The following KCNMA1 variants were observed in gnomAD, a reference collection of about 807,000 sequenced individuals.
The protein encoded by KCNMA1 is Calcium-activated potassium channel subunit alpha-1.
KCNMA1 carries 29 observed loss-of-function variants against 140.0 expected under a neutral mutation model. That is an observed-to-expected ratio of 0.21 (90% CI 0.15 to 0.28). The LOEUF (loss-of-function observed/expected upper bound fraction) is 0.28. Ranked by LOEUF, KCNMA1 falls within the 10% of genes least tolerant of loss-of-function variation. The pLI is 1.00. For missense variants in KCNMA1, 880 were observed against 1,602.2 expected (o/e 0.55, Z 7.70); for synonymous variants, 612 against 611.9 (o/e 1.00, Z 0.00).
chr10:77,553,303 T>C (rs146518541), intron 1 of KCNMA1, among the ~76,000 whole-genome samples: 207 of 152,334 alleles, frequency 1.4e-3, no homozygotes, highest in African/African-American at 4.2e-3. Context: ...ATATTTCAAA[T>C]GTTCCTGAAT....
chr10:77,074,280 T>C (rs1277792219), intron 13 of KCNMA1, among the ~76,000 whole-genome samples: 1 of 152,176 alleles, frequency 6.6e-6, no homozygotes. Context: ...AAAGCCAGTG[T>C]TTACTTTTTA....
intron 20 of KCNMA1, among the ~76,000 whole-genome samples, chr10:76,957,370 G>A (rs534652976): frequency 5.3e-5 from 8 of 152,088 alleles, no homozygotes; most frequent in Non-Finnish European, 1.0e-4. Context: ...CTCCAGATGT[G>A]CAATGACAGT....
chr10:77,619,725 G>C (rs529542854), intron 1 of KCNMA1, among the ~76,000 whole-genome samples: 1 of 152,182 alleles, frequency 6.6e-6, no homozygotes, highest in Non-Finnish European at 1.5e-5. Context: ...AGAGGAGACA[G>C]GATGCCTGTA....
intron 2 of KCNMA1, among the ~76,000 whole-genome samples, chr10:77,285,291 CCTCTA>C (rs539313024): frequency 1.3e-5 from 2 of 152,250 alleles, no homozygotes; most frequent in African/African-American, 4.8e-5. Context: ...AAGGATCTCT[CCTCTA>C]AAGTTTTTTT....
At chr10:77,381,559 C>T (rs2095386306) in intron 2 of KCNMA1, among the ~76,000 whole-genome samples, 1 of 152,124 alleles carries the variant, frequency 6.6e-6, no homozygotes, top group Non-Finnish European at 1.5e-5. Flanking sequence ...AATTCTCTTT[C>T]TCTACCCAAT....
Position 77,368,518 on chromosome 10 carries a change from T to C in KCNMA1, c.540+35344A>G, listed in dbSNP as rs370399519. The stretch of plus-strand genomic sequence containing the variant: ...ATCTTTTCATTCTCATAATAGTATC[T>C]TTCACAGAATAATAGTTTCTAATTT... On this transcript the variant is annotated intron_variant, in intron 2 of 27. Coordinates refer to ENST00000286628, the MANE Select transcript of KCNMA1 (RefSeq NM_001161352.2). Among the ~76,000 whole-genome samples the C allele has an allele frequency of 2.0e-5, 3 of 152,340 alleles. No individual in the cohort carries two copies. In the South Asian group the frequency reaches 6.2e-4, roughly 32 times the overall value.
At chr10:77,222,382 A>G (rs1348724201) in intron 3 of KCNMA1, among the ~76,000 whole-genome samples, 3 of 152,186 alleles carry the variant, frequency 2.0e-5, no homozygotes, top group Admixed American at 2.0e-4. Flanking sequence ...TACTGTCTCT[A>G]CCTACTACTC....
At chr10:76,952,295 C>A (rs553865157) in intron 21 of KCNMA1, 3 of 898,522 alleles carry the variant, frequency 3.3e-6, no homozygotes, top group African/African-American at 3.4e-5. Context: ...CCAAGGTTGG[C>A]GGATCATGAG....
At chr10:76,946,748 CT>C (rs1485850569) in intron 22 of KCNMA1, among the ~76,000 whole-genome samples, 1 of 152,176 alleles carries the variant, frequency 6.6e-6, no homozygotes, top group African/African-American at 2.4e-5. Flanking sequence ...TAATTTTCAT[CT>C]TGTAGGGAAG....
At chr10:77,253,450 C>T (rs536192760) in intron 2 of KCNMA1, among the ~76,000 whole-genome samples, 3 of 152,350 alleles carry the variant, frequency 2.0e-5, no homozygotes, top group East Asian at 3.9e-4. Flanking sequence ...GCAATGATTT[C>T]GCAGCATCCA....
intron 17 of KCNMA1, among the ~76,000 whole-genome samples, chr10:77,015,011 C>G (rs2091720329): frequency 1.3e-5 from 2 of 152,194 alleles, no homozygotes; most frequent in South Asian, 2.1e-4. Flanking sequence ...GGGATCTACC[C>G]CATTCTCCTG....
intron 2 of KCNMA1, among the ~76,000 whole-genome samples, chr10:77,384,104 C>G (rs1021865213): frequency 6.6e-6 from 1 of 152,220 alleles, no homozygotes; most frequent in African/African-American, 2.4e-5. Context: ...CTCTAACCCC[C>G]GCGGAGATCA....
chr10:77,018,623 G>A (rs892983453), intron 17 of KCNMA1, among the ~76,000 whole-genome samples: 11 of 152,152 alleles, frequency 7.2e-5, no homozygotes, highest in African/African-American at 2.7e-4. Context: ...GGCAGGGAGA[G>A]TAGTAGAAAA....
At chr10:77,460,531 G>GCACACACACACACA (rs59284219) in intron 1 of KCNMA1, among the ~76,000 whole-genome samples, 89 of 147,918 alleles carry the variant, frequency 6.0e-4, no homozygotes, top group African/African-American at 2.2e-3. Flanking sequence ...GTACACACGT[G>GCACACACACACACA]CACACACACA....
At chr10:77,010,181 T>C (rs1426410122) in intron 18 of KCNMA1, among the ~76,000 whole-genome samples, 1 of 152,150 alleles carries the variant, frequency 6.6e-6, no homozygotes. Flanking sequence ...TACAAGCGTT[T>C]CTTTACAGAA....
At chr10:77,004,015 G>A (rs1275986393) in intron 18 of KCNMA1, among the ~76,000 whole-genome samples, 1 of 152,090 alleles carries the variant, frequency 6.6e-6, no homozygotes, top group East Asian at 1.9e-4. Context: ...TTAGCATGCA[G>A]GAACAGGCTG....
chr10:77,109,869 A>G (rs1053236525), intron 8 of KCNMA1, among the ~76,000 whole-genome samples: 22 of 152,272 alleles, frequency 1.4e-4, no homozygotes, highest in South Asian at 1.2e-3. Context: ...GCTGAGTTAC[A>G]TTGCTAAGGG....
At chr10:77,254,049 C>A (rs1039945870) in intron 2 of KCNMA1, among the ~76,000 whole-genome samples, 1 of 152,076 alleles carries the variant, frequency 6.6e-6, no homozygotes, top group African/African-American at 2.4e-5. Context: ...TCTAACAAAT[C>A]CCCATTGTCT....
intron 1 of KCNMA1, among the ~76,000 whole-genome samples, chr10:77,416,647 A>G (rs1402211003): frequency 6.6e-6 from 1 of 152,198 alleles, no homozygotes; most frequent in Non-Finnish European, 1.5e-5. Context: ...ACGGAAGGGA[A>G]CACGGTCATC....
Sources: gnomAD v4.1 joint callset for allele counts (sites outside exome capture counted in the v4.1 genomes callset) on GRCh38, gnomAD v4.1.1 for gene constraint, MANE v1.5 for transcripts, NCBI Gene and HGNC (gene_info 2026-07-23, HGNC 2026-07-21) for gene names.